Variants in TTC3 observed in about 807,000 individuals in gnomAD.
The protein encoded by TTC3 is E3 ubiquitin-protein ligase TTC3.
In TTC3, 180 loss-of-function variants were observed where a neutral mutation model predicts 249.6. The observed-to-expected ratio is 0.72, with a 90% CI of 0.64 to 0.82. TTC3 has a LOEUF of 0.82. Among genes scored for constraint, TTC3 ranks in the 40% least tolerant of loss-of-function variants. The probability of loss-of-function intolerance (pLI) is 0.00; values close to 1 mark genes in which losing one functional copy is unlikely to be tolerated. For synonymous variants in TTC3, 717 were observed against 805.0 expected (o/e 0.89, Z 1.85); for missense variants, 2,061 against 2,398.4 (o/e 0.86, Z 2.94).
At chr21:37,176,190 G>A (rs2082272379) in intron 35 of TTC3, among the ~76,000 whole-genome samples, 2 of 152,126 alleles carry the variant, frequency 1.3e-5, no homozygotes, top group South Asian at 4.1e-4. Context: ...AAGGACATAG[G>A]TTCATTTTTG....
chr21:37,165,907 T>C lies in TTC3; in HGVS notation c.3693T>C (p.Ala1231=), dbSNP rs761022754. The C allele has an allele frequency of 2.5e-6, 4 of 1,614,098 alleles. No individual in the cohort carries two copies. In the African/African-American group the frequency reaches 5.3e-5, roughly 22 times the overall value. The change falls in exon 33 of 46, where the codon GCT becomes GCC. Residue 1231 remains alanine (A), a synonymous_variant. Transcript: ENST00000355666. The stretch of plus-strand genomic sequence containing the variant: ...TGTCAGATTCATCTTCAGCACCAGC[T>C]TTTGAAAATGTGAAACCCAAACCTG...
chr21:37,166,719 A>G lies in TTC3; in HGVS notation c.4401+104A>G, dbSNP rs2081284657. ...AGAATCCTTAAAGTTGATTGACTTT[A>G]TAATGATTACTGAAGCTTTTGCCTG... is the stretch of plus-strand genomic sequence containing the variant. On this transcript the variant is annotated intron_variant, in intron 33 of 45. Coordinates refer to ENST00000355666, the Ensembl canonical transcript of TTC3. The G allele has an allele frequency of 6.9e-6, 10 of 1,442,126 alleles. 1 individual carries two copies. Among genetic ancestry groups the G allele is most frequent in the Non-Finnish European group, 5.5e-6 (6 of 1,092,904 alleles). The allele number at this position is 1,442,126 out of a possible 1,614,324, so 89.3% of individuals were successfully genotyped here. A position where few individuals can be genotyped will look rare whatever the true frequency, so the allele number is the denominator to read the frequency against.
At chr21:37,184,351 C>A (rs2083032847) in intron 36 of TTC3, among the ~76,000 whole-genome samples, 1 of 152,032 alleles carries the variant, frequency 6.6e-6, no homozygotes, top group Non-Finnish European at 1.5e-5. Flanking sequence ...TTAATTTCTG[C>A]TGGAGAATAA....
At chr21:37,074,475 G>A (rs2070537341) in intron 1 of TTC3, among the ~76,000 whole-genome samples, 1 of 152,194 alleles carries the variant, frequency 6.6e-6, no homozygotes, top group African/African-American at 2.4e-5. Flanking sequence ...CTCCTACTGG[G>A]CGATGCGGTC....
At chr21:37,159,309 C>T (rs947112010) in intron 28 of TTC3, among the ~76,000 whole-genome samples, 2 of 76 alleles carry the variant, frequency 0.026, no homozygotes, top group Non-Finnish European at 0.033. Context: ...TTGAGTCCTT[C>T]GTGAGCCTTT....
chr21:37,079,218 C>T (rs918082679), intron 1 of TTC3, among the ~76,000 whole-genome samples: 6 of 152,216 alleles, frequency 3.9e-5, no homozygotes, highest in Middle Eastern at 3.4e-3. Context: ...AATCACTTCT[C>T]ATTTTTCTTT....
chr21:37,083,368 T>C (rs2071971213), intron 1 of TTC3: 2 of 985,272 alleles, frequency 2.0e-6, no homozygotes, highest in Non-Finnish European at 2.4e-6. Context: ...TGTTGCATGG[T>C]TTTAAGCAGT....
intron 31 of TTC3, 38 bp downstream of exon 31, chr21:37,162,101 C>G: frequency 7.9e-7 from 1 of 1,267,204 alleles, no homozygotes; most frequent in Non-Finnish European, 1.1e-6. Context: ...CATTTTAACT[C>G]AAATGTCTTT....
chr21:37,082,704 T>TC (rs2071863908), intron 1 of TTC3: 1 of 985,026 alleles, frequency 1.0e-6, no homozygotes, highest in South Asian at 4.7e-5. Flanking sequence ...AGCAAAAACA[T>TC]CCAAAAAGTG....
Position 37,108,528 on chromosome 21 carries a change from A to G in TTC3, c.900+82A>G. The G allele has an allele frequency of 4.5e-6, 6 of 1,330,064 alleles. No homozygotes were observed. In the South Asian group the frequency reaches 5.2e-5, roughly 12 times the overall value. The allele number at this position is 1,330,064 out of a possible 1,614,324, so 82.4% of individuals were successfully genotyped here. The stretch of plus-strand genomic sequence containing the variant: ...ATCTGTTTATAGGGTGTGTTTGTTC[A>G]TAAAAATGCTATATGAAATTACGTA... On this transcript the variant is annotated intron_variant, in intron 11 of 45. Transcript: ENST00000355666.
At chr21:37,195,316 G>A (rs1324268983) in intron 41 of TTC3, among the ~76,000 whole-genome samples, 4 of 152,280 alleles carry the variant, frequency 2.6e-5, no homozygotes, top group Admixed American at 2.6e-4. Flanking sequence ...GGGGAGTGTG[G>A]TGGCCATGAT....
chr21:37,119,804 T>A (rs951760310), intron 11 of TTC3, among the ~76,000 whole-genome samples: 3 of 152,218 alleles, frequency 2.0e-5, no homozygotes, highest in South Asian at 2.1e-4. Context: ...TCCTTATTAC[T>A]TCATTTTGGT....
chr21:37,140,671 C>G, exon 20 of TTC3: 1 of 1,595,022 alleles, frequency 6.3e-7, no homozygotes, highest in Non-Finnish European at 8.6e-7. Flanking sequence ...TGAAAAAAAA[C>G]AGGTTAGTAG....
chr21:37,158,076 A>G, intron 28 of TTC3: 1 of 973,896 alleles, frequency 1.0e-6, no homozygotes, highest in Non-Finnish European at 1.2e-6. Context: ...TACTTTTGAC[A>G]ACAAAAGTTC....
At chr21:37,144,770 C>A in intron 21 of TTC3, 125 bp downstream of exon 21, 1 of 1,172,728 alleles carries the variant, frequency 8.5e-7, no homozygotes. Flanking sequence ...CATTTCCCCT[C>A]TACTGTCTAA....
intron 28 of TTC3, chr21:37,157,289 G>T (rs2080195780): frequency 1.1e-6 from 1 of 901,998 alleles, no homozygotes; most frequent in Admixed American, 2.5e-5. Flanking sequence ...AATCTAGAAT[G>T]GATAGCATTC....
chr21:37,172,360 T>A (rs2081879506), intron 34 of TTC3, among the ~76,000 whole-genome samples: 1 of 152,218 alleles, frequency 6.6e-6, no homozygotes, highest in African/African-American at 2.4e-5. Flanking sequence ...CTAATTATAG[T>A]ATAGATTGGA....
At chr21:37,110,112 AC>A (rs1568942966) in intron 11 of TTC3, among the ~76,000 whole-genome samples, 2 of 152,228 alleles carry the variant, frequency 1.3e-5, no homozygotes, top group African/African-American at 4.8e-5. Flanking sequence ...TGGGGAAAAA[AC>A]AGAGCAGAAA....
intron 10 of TTC3, among the ~76,000 whole-genome samples, chr21:37,100,625 T>A (rs1454811874): frequency 6.6e-6 from 1 of 152,162 alleles, no homozygotes; most frequent in Non-Finnish European, 1.5e-5. Flanking sequence ...AAAACCCCCC[T>A]GGGCCTGCGA....
Sources: allele counts gnomAD v4.1 joint callset (sites outside exome capture counted in the v4.1 genomes callset), GRCh38; gene constraint gnomAD v4.1.1; transcripts MANE v1.5; gene names NCBI Gene and HGNC (gene_info 2026-07-23, HGNC 2026-07-21).